Variants in RBFOX1 observed in about 807,000 individuals in gnomAD.
RBFOX1 encodes RNA binding fox-1 homolog 1.
A neutral mutation model predicts 57.7 loss-of-function variants in RBFOX1; 8 were observed. The ratio of observed to expected loss-of-function variants is 0.14; its 90% CI spans 0.08 to 0.25. The LOEUF (loss-of-function observed/expected upper bound fraction) is 0.25, where lower values mean the gene tolerates loss of function less well. Among genes scored for constraint, RBFOX1 ranks in the 10% least tolerant of loss-of-function variants. The pLI is 1.00. For synonymous variants in RBFOX1, 326 were observed against 222.4 expected, an observed-to-expected ratio of 1.47 and a Z score of -4.15; for missense variants, 611 against 548.5, an observed-to-expected ratio of 1.11 and a Z score of -1.14.
intron 3 of RBFOX1, among the ~76,000 whole-genome samples, chr16:6,751,500 G>C (rs1183433653): frequency 6.6e-6 from 1 of 152,174 alleles, no homozygotes; most frequent in East Asian, 1.9e-4. Context: ...GCAACTCTTT[G>C]CCTCACTTGT....
intron 3 of RBFOX1, among the ~76,000 whole-genome samples, chr16:5,711,839 A>G (rs939679627): frequency 2.0e-5 from 3 of 152,238 alleles, no homozygotes; most frequent in Non-Finnish European, 4.4e-5. Flanking sequence ...CCAGAAAATG[A>G]TGATGGTGAT....
intron 3 of RBFOX1, among the ~76,000 whole-genome samples, chr16:7,039,308 A>T (rs1393740207): frequency 6.6e-6 from 1 of 152,008 alleles, no homozygotes; most frequent in Non-Finnish European, 1.5e-5. Flanking sequence ...GTCTCCCTTG[A>T]CCCTCCAAAG....
intron 4 of RBFOX1, among the ~76,000 whole-genome samples, chr16:7,501,572 A>T (rs1008488683): frequency 2.0e-5 from 3 of 152,126 alleles, no homozygotes; most frequent in East Asian, 1.9e-4. Context: ...TATAGGTCCT[A>T]TGTCTCTGTG....
At chr16:5,722,541 C>A (rs906260577) in intron 3 of RBFOX1, among the ~76,000 whole-genome samples, 3 of 152,142 alleles carry the variant, frequency 2.0e-5, no homozygotes, top group African/African-American at 7.2e-5. Flanking sequence ...TTCAAAGACA[C>A]CTGAGACCTG....
chr16:6,918,233 GATTGTACC>G (rs1567872912), intron 3 of RBFOX1, among the ~76,000 whole-genome samples: 1 of 150,058 alleles, frequency 6.7e-6, no homozygotes, highest in Non-Finnish European at 1.5e-5. Flanking sequence ...AGTGAGCTGA[GATTGTACC>G]ATTGCAATCC....
intron 10 of RBFOX1, among the ~76,000 whole-genome samples, chr16:7,617,677 G>C (rs1306563357): frequency 6.6e-6 from 1 of 152,132 alleles, no homozygotes; most frequent in Non-Finnish European, 1.5e-5. Context: ...TTTTATTGCA[G>C]AATTATAGTA....
At chr16:6,598,919 C>T (rs1193011343) in intron 2 of RBFOX1, among the ~76,000 whole-genome samples, 1 of 151,916 alleles carries the variant, frequency 6.6e-6, no homozygotes, top group African/African-American at 2.4e-5. Flanking sequence ...GCACTCCAGC[C>T]TGTGTAACAG....
At chr16:6,143,849 A>G (rs1448868393) in intron 1 of RBFOX1, among the ~76,000 whole-genome samples, 1 of 151,826 alleles carries the variant, frequency 6.6e-6, no homozygotes, top group Non-Finnish European at 1.5e-5. Context: ...AGGCTGGAGT[A>G]CAGTGGTGCA....
chr16:7,084,871 C>A (rs375054108), intron 4 of RBFOX1, among the ~76,000 whole-genome samples: 2 of 152,106 alleles, frequency 1.3e-5, no homozygotes, highest in African/African-American at 4.8e-5. Context: ...ATCTATCTAT[C>A]CATCTATCTA....
intron 5 of RBFOX1, among the ~76,000 whole-genome samples, chr16:7,558,153 A>G (rs2089282234): frequency 1.3e-5 from 2 of 152,108 alleles, no homozygotes; most frequent in Non-Finnish European, 2.9e-5. Context: ...CAGGAGTTCA[A>G]GATCACCCTG....
chr16:5,588,356 C>G (rs1209965401), intron 2 of RBFOX1, among the ~76,000 whole-genome samples: 1 of 152,118 alleles, frequency 6.6e-6, no homozygotes. Flanking sequence ...GGTGAATTAG[C>G]TCAATAAAGT....
At chr16:5,374,982 G>A (rs1242409978) in intron 1 of RBFOX1, among the ~76,000 whole-genome samples, 1 of 150,382 alleles carries the variant, frequency 6.6e-6, no homozygotes, top group Non-Finnish European at 1.5e-5. Context: ...ATAGGTGAAA[G>A]GGAAGAGAGA....
rs71142677 is a variant in RBFOX1, at chr16:6,082,347, A to ATTTTTTTTTTTTTTTTTTT, written c.-127+62365_-127+62383dup. Among the ~76,000 whole-genome samples, 12 of 41,040 alleles carry ATTTTTTTTTTTTTTTTTTT rather than the reference A, an allele frequency of 2.9e-4. 1 individual carries two copies. Among genetic ancestry groups the ATTTTTTTTTTTTTTTTTTT allele is most frequent in the Non-Finnish European group, 3.6e-4 (8 of 22,144 alleles). 26.9% of individuals were successfully genotyped at this position (41,040 alleles called of 152,430 possible). A position where few individuals can be genotyped will look rare whatever the true frequency, so the allele number is the denominator to read the frequency against. ...ATGTGCCTGTCACCACACCTGGCTA[A>ATTTTTTTTTTTTTTTTTTT]TTTTTTTTTTTTTTTTTTTTTTTTT... On this transcript the variant is annotated intron_variant, in intron 1 of 15. Coordinates refer to ENST00000550418, the MANE Select transcript of RBFOX1 (RefSeq NM_018723.4).
At chr16:7,204,936 C>G (rs547635487) in intron 4 of RBFOX1, among the ~76,000 whole-genome samples, 32 of 152,290 alleles carry the variant, frequency 2.1e-4, no homozygotes, top group African/African-American at 7.2e-4. Flanking sequence ...GGACTATGCA[C>G]TTCAACTTGA....
At chr16:7,059,192 C>A (rs1295145198) in intron 4 of RBFOX1, among the ~76,000 whole-genome samples, 1 of 152,152 alleles carries the variant, frequency 6.6e-6, no homozygotes, top group Non-Finnish European at 1.5e-5. Flanking sequence ...ATACCTTCTC[C>A]CGCTGTGTCT....
At chr16:5,811,938 C>G (rs976858674) in intron 3 of RBFOX1, among the ~76,000 whole-genome samples, 8 of 152,146 alleles carry the variant, frequency 5.3e-5, no homozygotes, top group Non-Finnish European at 8.8e-5. Context: ...CTCCCTCAAC[C>G]TCCAGCTCCA....
intron 1 of RBFOX1, among the ~76,000 whole-genome samples, chr16:5,433,067 A>C (rs945839675): frequency 2.6e-5 from 4 of 152,218 alleles, no homozygotes; most frequent in Non-Finnish European, 4.4e-5. Context: ...TGGAAAACGC[A>C]GGAGACCGAA....
chr16:6,355,596 C>T (rs1047983250), intron 2 of RBFOX1, among the ~76,000 whole-genome samples: 5 of 152,190 alleles, frequency 3.3e-5, no homozygotes, highest in African/African-American at 9.7e-5. Context: ...AATAAACATA[C>T]ATGTGCATAT....
intron 3 of RBFOX1, among the ~76,000 whole-genome samples, chr16:5,652,541 C>G (rs2049274994): frequency 6.6e-6 from 1 of 152,124 alleles, no homozygotes; most frequent in Non-Finnish European, 1.5e-5. Context: ...CTAGGGTCAC[C>G]TTTTTGTGCT....
Sources: gnomAD v4.1 joint callset for allele counts (sites outside exome capture counted in the v4.1 genomes callset) on GRCh38, gnomAD v4.1.1 for gene constraint, MANE v1.5 for transcripts, NCBI Gene and HGNC (gene_info 2026-07-23, HGNC 2026-07-21) for gene names.